Variants in CNTNAP2 observed in about 807,000 individuals in gnomAD.
CNTNAP2 encodes the protein contactin associated protein 2, also known as contactin-associated protein-like 2.
In CNTNAP2, 98 loss-of-function variants were observed where a neutral mutation model predicts 155.2. The ratio of observed to expected loss-of-function variants is 0.63; its 90% confidence interval spans 0.54 to 0.75. The LOEUF (loss-of-function observed/expected upper bound fraction) is 0.75, where lower values mean the gene tolerates loss of function less well. Ranked by LOEUF, CNTNAP2 falls within the 30% of genes least tolerant of loss-of-function variation. CNTNAP2 has a pLI of 0.00. For synonymous variants in CNTNAP2, 651 were observed against 631.2 expected (o/e 1.03, Z -0.47); for missense variants, 1,727 against 1,688.1 (o/e 1.02, Z -0.40).
chr7:147,474,450 T>A (rs570786082), intron 10 of CNTNAP2, among the ~76,000 whole-genome samples: 1 of 151,652 alleles, frequency 6.6e-6, no homozygotes, highest in African/African-American at 2.4e-5. Context: ...TAAAAATTAG[T>A]TGGGCATCTG....
chr7:146,141,591 A>T (rs1288044349), intron 1 of CNTNAP2, among the ~76,000 whole-genome samples: 1 of 152,146 alleles, frequency 6.6e-6, no homozygotes. Context: ...CTTGTGAATT[A>T]TTTATTAATT....
At chr7:147,563,990 T>C (rs1408766454) in intron 12 of CNTNAP2, among the ~76,000 whole-genome samples, 1 of 151,960 alleles carries the variant, frequency 6.6e-6, no homozygotes. Context: ...GAGAAGATAA[T>C]AAAATGGAAG....
chr7:147,225,458 C>T (rs1052553397), intron 8 of CNTNAP2, among the ~76,000 whole-genome samples: 2 of 152,082 alleles, frequency 1.3e-5, no homozygotes, highest in South Asian at 2.1e-4. Flanking sequence ...TGTTATCCCA[C>T]CTAAATAATA....
chr7:147,316,611 C>T (rs1027409136), intron 9 of CNTNAP2, among the ~76,000 whole-genome samples: 6 of 152,102 alleles, frequency 3.9e-5, no homozygotes, highest in Admixed American at 3.9e-4. Flanking sequence ...GATTTAAATA[C>T]ATATAGTAAA....
rs192082776 is a variant in CNTNAP2 at position 147,342,618 on chromosome 7, G to A, written c.1498+42328G>A. Among the ~76,000 whole-genome samples the A allele has an allele frequency of 3.7e-3, 562 of 152,218 alleles. 6 individuals carry two copies. Among genetic ancestry groups the A allele is most frequent in the Non-Finnish European group, 4.0e-3 (272 of 68,010 alleles). ...TCAGCACACCAAATCAGTGAAACCC[G>A]TAGCAATTTCAGTTGTGCTCATCCA... On this transcript the variant is annotated intron_variant, in intron 9 of 23. Transcript: ENST00000361727.
rs548624451 is a variant in CNTNAP2 at position 147,219,914 on chromosome 7, T to C, written c.1349-80227T>C. 2.0e-5 allele frequency among the ~76,000 whole-genome samples: 3 copies of C among 150,746 alleles called. No individual in the cohort carries two copies. In the East Asian group the frequency reaches 5.9e-4, roughly 30 times the overall value. On this transcript the variant is annotated intron_variant, in intron 8 of 23. Coordinates refer to ENST00000361727, the MANE Select transcript of CNTNAP2 (RefSeq NM_014141.6). ...CCTCAGCCTCCCAAGTAGCTGGGAC[T>C]ACAGGCACCCACCACCACGCCCAGC...
At chr7:147,668,466 A>G (rs139940769) in intron 13 of CNTNAP2, among the ~76,000 whole-genome samples, 2,504 of 152,346 alleles carry the variant, frequency 0.016, 222 homozygotes, top group Admixed American at 0.15. Flanking sequence ...AGTAGACAGC[A>G]GCTCCATGGG....
chr7:147,382,125 C>T (rs959450237), intron 9 of CNTNAP2, among the ~76,000 whole-genome samples: 1 of 151,916 alleles, frequency 6.6e-6, no homozygotes, highest in African/African-American at 2.4e-5. Flanking sequence ...TAAATCACTA[C>T]AAACATATTT....
intron 16 of CNTNAP2, among the ~76,000 whole-genome samples, chr7:148,127,588 C>A (rs1274551020): frequency 6.6e-6 from 1 of 152,126 alleles, no homozygotes; most frequent in Non-Finnish European, 1.5e-5. Context: ...CAAGATGCAG[C>A]CTTATGCAAT....
chr7:148,058,343 G>T (rs533918124), intron 15 of CNTNAP2, among the ~76,000 whole-genome samples: 1 of 152,114 alleles, frequency 6.6e-6, no homozygotes, highest in Non-Finnish European at 1.5e-5. Flanking sequence ...TATGCCAGTG[G>T]GGAGAAACCA....
At chr7:147,722,058 C>A (rs1165548999) in intron 13 of CNTNAP2, among the ~76,000 whole-genome samples, 3 of 152,146 alleles carry the variant, frequency 2.0e-5, no homozygotes, top group Non-Finnish European at 4.4e-5. Context: ...ACAGAGGTAC[C>A]AAACCTTTTG....
chr7:147,960,283 A>G (rs1373538502), intron 14 of CNTNAP2, among the ~76,000 whole-genome samples: 3 of 152,184 alleles, frequency 2.0e-5, no homozygotes, highest in Admixed American at 6.5e-5. Context: ...CGGAGTCAGC[A>G]TCTGTAACTG....
intron 13 of CNTNAP2, among the ~76,000 whole-genome samples, chr7:147,886,499 A>G (rs1336641268): frequency 8.5e-6 from 1 of 117,914 alleles, no homozygotes; most frequent in Non-Finnish European, 1.7e-5. Context: ...AAAAAAAAAA[A>G]AAAAGATTTG....
At position 147,165,913 on chromosome 7, in the gene CNTNAP2, G is replaced by A. The variant is rs1439386045; in HGVS notation, c.1348+33404G>A. 4.6e-5 allele frequency among the ~76,000 whole-genome samples: 7 copies of A among 152,086 alleles called. No individual in the cohort carries two copies. The South Asian group carries it at 6.2e-4, about 14-fold the overall frequency. On this transcript the variant is annotated intron_variant, in intron 8 of 23. Coordinates refer to ENST00000361727, the MANE Select transcript of CNTNAP2 (RefSeq NM_014141.6). Reference sequence around the variant, plus strand: ...GACATGGATGTGGTGAAAAGGGAACGCTTCTACACTGCTGGTGGGAATGTA... The same window carrying A: ...GACATGGATGTGGTGAAAAGGGAACACTTCTACACTGCTGGTGGGAATGTA...
intron 1 of CNTNAP2, among the ~76,000 whole-genome samples, chr7:146,153,248 T>A (rs959802140): frequency 1.3e-5 from 2 of 152,168 alleles, no homozygotes; most frequent in Non-Finnish European, 2.9e-5. Context: ...TTTCATGACA[T>A]TATTAACAAA....
intron 3 of CNTNAP2, among the ~76,000 whole-genome samples, chr7:146,972,653 C>G (rs1036774173): frequency 6.6e-6 from 1 of 152,126 alleles, no homozygotes; most frequent in African/African-American, 2.4e-5. Flanking sequence ...TTCCACAGAG[C>G]TCTTTCAATT....
intron 8 of CNTNAP2, among the ~76,000 whole-genome samples, chr7:147,260,285 C>G (rs1584826601): frequency 6.6e-6 from 1 of 152,088 alleles, no homozygotes; most frequent in South Asian, 2.1e-4. Flanking sequence ...TAGCATGGTT[C>G]AGGTGGGGCT....
intron 8 of CNTNAP2, among the ~76,000 whole-genome samples, chr7:147,255,707 G>A: frequency 6.6e-6 from 1 of 152,010 alleles, no homozygotes; most frequent in Middle Eastern, 3.4e-3. Flanking sequence ...TAAATAATAG[G>A]TAGAGGTCTC....
chr7:148,084,008 C>A (rs760231092), intron 15 of CNTNAP2, among the ~76,000 whole-genome samples: 2 of 152,196 alleles, frequency 1.3e-5, no homozygotes, highest in Non-Finnish European at 2.9e-5. Context: ...TATCACAGAT[C>A]CGTCTGTTTC....
Sources: allele counts gnomAD v4.1 joint callset (sites outside exome capture counted in the v4.1 genomes callset), GRCh38; gene constraint gnomAD v4.1.1; transcripts MANE v1.5; gene names NCBI Gene and HGNC (gene_info 2026-07-23, HGNC 2026-07-21).